APOO: variants seen among roughly 807,000 people sequenced by gnomAD.
APOO encodes apolipoprotein O, also known as MICOS complex subunit MIC26.
APOO carries 11 observed loss-of-function variants against 23.1 expected under a neutral mutation model. That is an observed-to-expected ratio of 0.48 (90% CI 0.30 to 0.79). The LOEUF (loss-of-function observed/expected upper bound fraction) is 0.79, where lower values mean the gene tolerates loss of function less well. Ranked by LOEUF, APOO falls within the 30% of genes least tolerant of loss-of-function variation. APOO has a pLI of 0.07. For missense variants in APOO, 160 were observed against 142.7 expected (o/e 1.12, Z -0.62); for synonymous variants, 59 against 54.8 (o/e 1.08, Z -0.34).
intron 1 of APOO, among the ~76,000 whole-genome samples, chrX:23,893,176 G>A (rs1453861075): frequency 9.2e-6 from 1 of 109,111 alleles, no homozygotes; most frequent in Non-Finnish European, 1.9e-5. Context: ...CCAGCACTTT[G>A]GGAGGCCGAA....
chrX:23,858,123 G>A (rs1333219831), intron 6 of APOO, among the ~76,000 whole-genome samples: 1 of 110,639 alleles, frequency 9.0e-6, no homozygotes, highest in Non-Finnish European at 1.9e-5. Flanking sequence ...ATAAGACTGA[G>A]GCTTCAAGGA....
At chrX:23,882,021 C>T (rs975703060) in intron 1 of APOO, among the ~76,000 whole-genome samples, 4 of 106,605 alleles carry the variant, frequency 3.8e-5, no homozygotes, top group East Asian at 2.9e-4. Context: ...CTAGGAGGGA[C>T]GTTGATCTCC....
At chrX:23,862,308 A>T (rs1485414768) in intron 5 of APOO, among the ~76,000 whole-genome samples, 1 of 112,014 alleles carries the variant, frequency 8.9e-6, no homozygotes, top group African/African-American at 3.2e-5. Context: ...TATGAAAAAA[A>T]GAACATTCAA....
intron 7 of APOO, among the ~76,000 whole-genome samples, chrX:23,847,002 A>G (rs1435014176): frequency 9.0e-6 from 1 of 110,778 alleles, no homozygotes; most frequent in African/African-American, 3.3e-5. Context: ...TTATAAATCA[A>G]TAAGGGACAA....
At chrX:23,900,674 C>CAAAAA (rs967658475) in intron 1 of APOO, among the ~76,000 whole-genome samples, 4 of 24,801 alleles carry the variant, frequency 1.6e-4, no homozygotes, top group African/African-American at 2.8e-4. Flanking sequence ...GACTCCGGCT[C>CAAAAA]AAAAAAAAAA....
At chrX:23,891,125 C>A (rs916511982) in intron 1 of APOO, among the ~76,000 whole-genome samples, 2 of 111,467 alleles carry the variant, frequency 1.8e-5, no homozygotes, top group African/African-American at 6.5e-5. Context: ...CCCTTTTGGG[C>A]CTTCTCTTCC....
intron 1 of APOO, among the ~76,000 whole-genome samples, chrX:23,885,389 T>C (rs1926325123): frequency 9.5e-6 from 1 of 104,852 alleles, no homozygotes. Context: ...AATATATATA[T>C]TATATATATA....
At chrX:23,840,221 T>C (rs41305191) in intron 8 of APOO, 92 bp downstream of exon 8, 30,740 of 494,047 alleles carry the variant, frequency 0.062, 853 homozygotes, top group Non-Finnish European at 0.074. Context: ...ATTGAAACTG[T>C]TATAATTAAT....
At chrX:23,867,275 G>C (rs920856022) in intron 5 of APOO, among the ~76,000 whole-genome samples, 16 of 111,717 alleles carry the variant, frequency 1.4e-4, no homozygotes, top group African/African-American at 5.2e-4. Context: ...CCCCCACGCT[G>C]GGAGGTGTTT....
chrX:23,847,519 G>A (rs906582139), intron 7 of APOO, among the ~76,000 whole-genome samples: 7 of 110,005 alleles, frequency 6.4e-5, no homozygotes, highest in Non-Finnish European at 9.5e-5. Context: ...CCAGCTACTC[G>A]GGAGGCTGAG....
chrX:23,848,081 G>C (rs1253759112), intron 7 of APOO, among the ~76,000 whole-genome samples: 4 of 107,797 alleles, frequency 3.7e-5, no homozygotes, highest in Non-Finnish European at 7.6e-5. Flanking sequence ...CACCATGTTA[G>C]CTAGGATGGT....
At chrX:23,870,381 T>C (rs1406062250) in intron 4 of APOO, among the ~76,000 whole-genome samples, 1 of 111,964 alleles carries the variant, frequency 8.9e-6, no homozygotes, top group African/African-American at 3.2e-5. Flanking sequence ...TATTCAGGTG[T>C]ATATCTGGTG....
Position 23,842,951 on chromosome X carries a change from T to C in APOO, c.562-2574A>G, listed in dbSNP as rs1253519755. On this transcript the variant is annotated intron_variant, in intron 7 of 8. Coordinates refer to ENST00000379226, the MANE Select transcript of APOO (RefSeq NM_024122.5). ...TGAACCCAGGAGGCGGAGGTTGCAG[T>C]GAGCCAAGATCACGCCATTGCACTC... Among the ~76,000 whole-genome samples the C allele has an allele frequency of 2.7e-5, 3 of 111,945 alleles. No individual in the cohort carries two copies. The Admixed American group carries it at 2.9e-4, about 11-fold the overall frequency.
At chrX:23,865,887 A>T (rs757174365) in intron 5 of APOO, among the ~76,000 whole-genome samples, 1 of 111,624 alleles carries the variant, frequency 9.0e-6, no homozygotes, top group Non-Finnish European at 1.9e-5. Flanking sequence ...AATTATTTTA[A>T]TACTACCAAG....
In APOO at chrX:23,833,607, C is replaced by G. The variant is rs1020670143; in HGVS notation, c.*35G>C. On this transcript the variant is annotated 3_prime_UTR_variant, in exon 9 of 9. Coordinates refer to ENST00000379226, the MANE Select transcript of APOO (RefSeq NM_024122.5). ...ATTCTATGGAGTTTCCAATGTTTAC[C>G]TATAACTAAAAGAAAGAAAAGAAAA... 3.6e-5 allele frequency: 4 copies of G among 112,215 alleles called. No homozygotes were observed. Among genetic ancestry groups the G allele is most frequent in the African/African-American group, 1.3e-4 (4 of 30,880 alleles). 9.2% of individuals were successfully genotyped at this position (112,215 alleles called of 1,213,427 possible).
intron 1 of APOO, among the ~76,000 whole-genome samples, chrX:23,884,585 T>C (rs1454080301): frequency 1.8e-5 from 2 of 111,711 alleles, no homozygotes; most frequent in Non-Finnish European, 3.8e-5. Context: ...TTGTGGAATC[T>C]AAAAAGGTTG....
At chrX:23,890,388 T>C (rs1227025567) in intron 1 of APOO, among the ~76,000 whole-genome samples, 9 of 111,957 alleles carry the variant, frequency 8.0e-5, no homozygotes, top group African/African-American at 2.9e-4. Flanking sequence ...GGCAGAATAG[T>C]GGATACCCTT....
chrX:23,842,837 C>T (rs1248774713), intron 7 of APOO, among the ~76,000 whole-genome samples: 9 of 111,415 alleles, frequency 8.1e-5, no homozygotes, highest in South Asian at 3.8e-4. Context: ...GGAGAAACCC[C>T]GTCTCTACTA....
rs781599946 is a variant in APOO at position 23,896,871 on chromosome X, G to T, written c.9+10823C>A. On this transcript the variant is annotated intron_variant, in intron 1 of 8. Coordinates refer to ENST00000379226, the MANE Select transcript of APOO (RefSeq NM_024122.5). Reference sequence around the variant, plus strand: ...TTCCCAGGCTGGTCTCAAACTCCTGGTCTCAAGCAATCCTCCTGCCTTGGC... The same window carrying T: ...TTCCCAGGCTGGTCTCAAACTCCTGTTCTCAAGCAATCCTCCTGCCTTGGC... Among the ~76,000 whole-genome samples the T allele has an allele frequency of 1.6e-4, 17 of 106,870 alleles. No individual in the cohort carries two copies. In the South Asian group the frequency reaches 7.1e-3, roughly 44 times the overall value. The allele number at this position is 106,870 out of a possible 115,157, so 92.8% of individuals were successfully genotyped here. A position where few individuals can be genotyped will look rare whatever the true frequency, so the allele number is the denominator to read the frequency against.
Sources: gnomAD v4.1 joint callset for allele counts (sites outside exome capture counted in the v4.1 genomes callset) on GRCh38, gnomAD v4.1.1 for gene constraint, MANE v1.5 for transcripts, NCBI Gene and HGNC (gene_info 2026-07-23, HGNC 2026-07-21) for gene names.